ZC3H6: variants seen among roughly 807,000 people sequenced by gnomAD.
ZC3H6 encodes the protein zinc finger CCCH domain-containing protein 6.
Under a neutral mutation model 107.7 loss-of-function variants are expected in ZC3H6, and 40 were observed. That is an observed-to-expected ratio of 0.37 (90% CI 0.29 to 0.48). The LOEUF is 0.48. Ranked by LOEUF, ZC3H6 falls within the 20% of genes least tolerant of loss-of-function variation. ZC3H6 has a pLI of 0.98. For synonymous variants in ZC3H6, 493 were observed against 487.9 expected (o/e 1.01, Z -0.14); for missense variants, 1,267 against 1,410.4 (o/e 0.90, Z 1.63).
intron 1 of ZC3H6, among the ~76,000 whole-genome samples, chr2:112,296,811 T>A (rs1676245953): frequency 6.6e-6 from 1 of 152,184 alleles, no homozygotes; most frequent in Non-Finnish European, 1.5e-5. Context: ...TAAAAGACAG[T>A]CATACACCCT....
At chr2:112,306,370 A>C (rs1289063731) in intron 3 of ZC3H6, among the ~76,000 whole-genome samples, 1 of 152,018 alleles carries the variant, frequency 6.6e-6, no homozygotes, top group Non-Finnish European at 1.5e-5. Flanking sequence ...ACAGGGTTTC[A>C]CCATGTTGGC....
At chr2:112,320,772 A>T (rs193041402) in intron 7 of ZC3H6, among the ~76,000 whole-genome samples, 1 of 152,244 alleles carries the variant, frequency 6.6e-6, no homozygotes, top group Non-Finnish European at 1.5e-5. Context: ...TACAATATTT[A>T]TACCTCTTAT....
At position 112,338,798 on chromosome 2, in the gene ZC3H6, C is replaced by G. The variant is rs1677182198; in HGVS notation, c.*6310C>G. The G allele has an allele frequency of 6.9e-6, 1 of 145,228 alleles. No homozygotes were observed. Among genetic ancestry groups the G allele is most frequent in the Non-Finnish European group, 1.5e-5 (1 of 66,210 alleles). The allele number at this position is 145,228 out of a possible 1,614,324, so 9.0% of individuals were successfully genotyped here. ...TAACCATATTCTCAAACCTCCATTA[C>G]CACTAATATCTTGGGGTTGTCAATG... On this transcript the variant is annotated 3_prime_UTR_variant, in exon 12 of 12. Coordinates refer to ENST00000409871, the MANE Select transcript of ZC3H6 (RefSeq NM_198581.3).
At position 112,275,971 on chromosome 2, in the gene ZC3H6, G is replaced by A; in HGVS notation, c.-24G>A. The A allele has an allele frequency of 8.5e-6, 13 of 1,528,852 alleles. No individual in the cohort carries two copies. The highest frequency in any genetic ancestry group is 9.7e-6 in the Non-Finnish European group (11 of 1,137,746). 94.7% of individuals were successfully genotyped at this position (1,528,852 alleles called of 1,614,324 possible). A position where few individuals can be genotyped will look rare whatever the true frequency, so the allele number is the denominator to read the frequency against. ...GCCGGCCTCGCAGACCTGCCCTCCA[G>A]CCCCGCCCCGTTCTTGACCAAACAT... On this transcript the variant is annotated 5_prime_UTR_variant, in exon 1 of 12. Transcript: ENST00000409871.
intron 3 of ZC3H6, 48 bp downstream of exon 3, chr2:112,303,399 G>A (rs1390792668): frequency 2.7e-6 from 4 of 1,470,370 alleles, no homozygotes; most frequent in South Asian, 2.4e-5. Flanking sequence ...AGCATAAAAT[G>A]TACCATTTTA....
At position 112,322,637 on chromosome 2, in the gene ZC3H6, A is replaced by C. The variant is rs751659984; in HGVS notation, c.1087-12A>C. 6.3e-7 allele frequency: 1 copy of C among 1,577,160 alleles called. No individual in the cohort carries two copies. The highest frequency in any genetic ancestry group is 1.2e-5 in the South Asian group (1 of 84,834). The stretch of plus-strand genomic sequence containing the variant: ...TCGCTTTGAAATAGTAATCTTTGCC[A>C]ATTATTTTTAGGTGTTGAATACTGA... On this transcript the variant is annotated splice_polypyrimidine_tract_variant and intron_variant, in intron 8 of 11. Transcript: ENST00000409871.
intron 8 of ZC3H6, among the ~76,000 whole-genome samples, chr2:112,322,280 C>A (rs1676816915): frequency 6.6e-6 from 1 of 151,670 alleles, no homozygotes; most frequent in Non-Finnish European, 1.5e-5. Flanking sequence ...GTGGCGTGAT[C>A]TTAGCTCAGC....
intron 1 of ZC3H6, among the ~76,000 whole-genome samples, chr2:112,279,582 CT>C (rs1351595194): frequency 1.3e-5 from 2 of 152,046 alleles, no homozygotes; most frequent in African/African-American, 2.4e-5. Context: ...GCTTTCTGTC[CT>C]GTACTACAAG....
rs1027342421 is a variant in ZC3H6 at position 112,335,044 on chromosome 2, A to G, written c.*2556A>G. 2.6e-5 allele frequency: 4 copies of G among 152,284 alleles called. No homozygotes were observed. Among genetic ancestry groups the G allele is most frequent in the African/African-American group, 9.7e-5 (4 of 41,438 alleles). The allele number at this position is 152,284 out of a possible 1,614,324, so 9.4% of individuals were successfully genotyped here. ...CTATACCTGTTTACTGTGATGATGAATACAGTGGATATAGCAGGGGGTTGA... is the reference window on the plus strand; with the variant it reads ...CTATACCTGTTTACTGTGATGATGAGTACAGTGGATATAGCAGGGGGTTGA... On this transcript the variant is annotated 3_prime_UTR_variant, in exon 12 of 12. Transcript: ENST00000409871.
chr2:112,279,613 G>T (rs543792467), intron 1 of ZC3H6, among the ~76,000 whole-genome samples: 37 of 152,040 alleles, frequency 2.4e-4, no homozygotes, highest in African/African-American at 8.9e-4. Flanking sequence ...ACTCCAACTA[G>T]TCAGAATTGC....
chr2:112,318,224 G>A (rs1472103876), intron 7 of ZC3H6, among the ~76,000 whole-genome samples: 1 of 152,158 alleles, frequency 6.6e-6, no homozygotes, highest in Non-Finnish European at 1.5e-5. Context: ...GTAATTACCA[G>A]AGGAATACAT....
chr2:112,331,140 C>T lies in ZC3H6; in HGVS notation c.2222C>T (p.Thr741Ile). The T allele has an allele frequency of 6.2e-7, 1 of 1,613,718 alleles. No homozygotes were observed. Among genetic ancestry groups the T allele is most frequent in the South Asian group, 1.1e-5 (1 of 91,030 alleles). ...CCTTCCACAGAACTCAGCACTCCTA[C>T]TGATCCAAGACTTGCTAAAGAGAAA... ...QQPSTELSTPTDPRLAKEKSK... is the reference protein window; with the variant it reads ...QQPSTELSTPIDPRLAKEKSK... The change falls in exon 12 of 12, where the codon ACT (threonine) becomes ATT (isoleucine). Residue 741 changes from threonine (T) to isoleucine (I), a missense_variant. Thr to Ile is a moderately conservative substitution (Grantham distance 89). Coordinates refer to ENST00000409871, the MANE Select transcript of ZC3H6 (RefSeq NM_198581.3).
chr2:112,306,226 G>A (rs1676475285), intron 3 of ZC3H6, among the ~76,000 whole-genome samples: 1 of 148,838 alleles, frequency 6.7e-6, no homozygotes, highest in Non-Finnish European at 1.5e-5. Flanking sequence ...AGGCTGGAGT[G>A]CAGTGGCGTG....
chr2:112,296,329 T>C (rs561969420), intron 1 of ZC3H6, among the ~76,000 whole-genome samples: 20 of 152,270 alleles, frequency 1.3e-4, no homozygotes, highest in South Asian at 8.3e-4. Flanking sequence ...CCTCATTATG[T>C]CTATAAGATT....
At chr2:112,322,536 C>A in intron 8 of ZC3H6, 113 bp from the exon 9 acceptor site, 1 of 1,210,676 alleles carries the variant, frequency 8.3e-7, no homozygotes, top group Non-Finnish European at 1.1e-6. Flanking sequence ...CCACTGCGAC[C>A]AGCCCATTTC....
intron 7 of ZC3H6, among the ~76,000 whole-genome samples, chr2:112,317,992 C>T (rs927258961): frequency 1.3e-5 from 2 of 152,088 alleles, no homozygotes; most frequent in African/African-American, 4.8e-5. Context: ...TTCTGGACTT[C>T]GTGTTTGGCT....
rs923026361 is a variant in ZC3H6 at position 112,336,712 on chromosome 2, A to C, written c.*4224A>C. The C allele has an allele frequency of 1.3e-5, 2 of 152,186 alleles. No individual in the cohort carries two copies. The highest frequency in any genetic ancestry group is 6.5e-5 in the Admixed American group (1 of 15,270). 9.4% of individuals were successfully genotyped at this position (152,186 alleles called of 1,614,324 possible). A position where few individuals can be genotyped will look rare whatever the true frequency, so the allele number is the denominator to read the frequency against. ...ATGTCATTTATCAGCAGTATCTGCC[A>C]GTTGTGACAAAGCCCTCCCTATTAT... On this transcript the variant is annotated 3_prime_UTR_variant, in exon 12 of 12. Coordinates refer to ENST00000409871, the MANE Select transcript of ZC3H6 (RefSeq NM_198581.3).
intron 1 of ZC3H6, among the ~76,000 whole-genome samples, chr2:112,285,388 ACT>A (rs1686588774): frequency 1.3e-5 from 2 of 151,586 alleles, no homozygotes; most frequent in Admixed American, 1.3e-4. Context: ...ATGGCATCTA[ACT>A]CTGTCACCCA....
intron 1 of ZC3H6, among the ~76,000 whole-genome samples, chr2:112,276,780 C>T (rs895079978): frequency 6.6e-6 from 1 of 152,116 alleles, no homozygotes; most frequent in East Asian, 1.9e-4. Flanking sequence ...ACAAAGTATA[C>T]TGTAGCATAC....
Sources: gnomAD v4.1 joint callset for allele counts (sites outside exome capture counted in the v4.1 genomes callset) on GRCh38, gnomAD v4.1.1 for gene constraint, MANE v1.5 for transcripts, NCBI Gene and HGNC (gene_info 2026-07-23, HGNC 2026-07-21) for gene names.